The following EIF2A variants were observed in gnomAD, a reference collection of about 807,000 sequenced individuals.
The protein encoded by EIF2A is eukaryotic translation initiation factor 2A, also known as 65 kDa eukaryotic translation initiation factor 2A.
EIF2A carries 62 observed loss-of-function variants against 75.2 expected under a neutral mutation model. The ratio of observed to expected loss-of-function variants is 0.82; its 90% CI spans 0.67 to 1.02. EIF2A has a LOEUF of 1.02. EIF2A is among the 50% of genes least tolerant of loss of function. The pLI is 0.00. For missense variants in EIF2A, 611 were observed against 677.7 expected, an observed-to-expected ratio of 0.90 and a Z score of 1.09; for synonymous variants, 207 against 239.0, an observed-to-expected ratio of 0.87 and a Z score of 1.23.
chr3:150,568,146 T>C, intron 8 of EIF2A, 30 bp from the exon 9 acceptor site: 1 of 1,605,020 alleles, frequency 6.2e-7, no homozygotes, highest in Non-Finnish European at 8.5e-7. Flanking sequence ...ATTTGTGTTT[T>C]AAATCTAATT....
intron 7 of EIF2A, 49 bp downstream of exon 7, chr3:150,567,815 C>T: frequency 6.4e-7 from 1 of 1,567,304 alleles, no homozygotes; most frequent in African/African-American, 1.4e-5. Context: ...TAAACCTTTT[C>T]CTAGTTTTTT....
intron 2 of EIF2A, among the ~76,000 whole-genome samples, chr3:150,554,030 G>A (rs941598357): frequency 7.9e-5 from 12 of 152,078 alleles, no homozygotes; most frequent in Non-Finnish European, 1.5e-4. Context: ...TCTAGGTCTG[G>A]GACAGAAAAT....
intron 3 of EIF2A, among the ~76,000 whole-genome samples, chr3:150,561,714 AGGT>A (rs1723866093): frequency 6.6e-6 from 1 of 152,146 alleles, no homozygotes; most frequent in Admixed American, 6.5e-5. Flanking sequence ...TTTCAGCTGA[AGGT>A]GGAATCATCC....
intron 5 of EIF2A, 101 bp from the exon 6 acceptor site, chr3:150,564,198 C>A: frequency 1.1e-6 from 1 of 887,828 alleles, no homozygotes. Context: ...AGTGTTTTTC[C>A]TTAAATGGTA....
rs369526389 is a variant in EIF2A at position 150,552,359 on chromosome 3, G to A, written c.32G>A (p.Arg11Gln). 1.5e-5 allele frequency: 23 copies of A among 1,550,696 alleles called. No homozygotes were observed. The Admixed American group carries it at 2.4e-4, about 16-fold the overall frequency. Residue 11 changes from arginine (R) to glutamine (Q), a missense_variant, in exon 2 of 14, where the codon CGA (arginine) becomes CAA (glutamine). Transcript: ENST00000460851. MAPSTPLLTV[R>Q]GSEGLYMVNG... The stretch of plus-strand genomic sequence containing the variant: ...TCTTTTTATTTTACTTCTTTAGTCC[G>A]AGGATCAGAAGGACTGTACATGGTG...
At chr3:150,564,250 C>T in intron 5 of EIF2A, 49 bp from the exon 6 acceptor site, 2 of 1,379,974 alleles carry the variant, frequency 1.4e-6, no homozygotes, top group Non-Finnish European at 1.9e-6. Flanking sequence ...TGTGATGTTA[C>T]ATTCTGTCTG....
At chr3:150,550,984 A>T (rs1169590239) in intron 1 of EIF2A, among the ~76,000 whole-genome samples, 1 of 152,134 alleles carries the variant, frequency 6.6e-6, no homozygotes, top group African/African-American at 2.4e-5. Flanking sequence ...TTCCAGCTTC[A>T]TCATCCTCTA....
chr3:150,555,410 C>A (rs575192368), intron 2 of EIF2A, among the ~76,000 whole-genome samples: 1 of 152,158 alleles, frequency 6.6e-6, no homozygotes, highest in African/African-American at 2.4e-5. Context: ...GCACCTGCTA[C>A]CACACCTGGC....
rs542798543 is a variant in EIF2A, at chr3:150,553,575, A to T, written c.98+1150A>T. On this transcript the variant is annotated intron_variant, in intron 2 of 13. Transcript: ENST00000460851. ...AGGTGCCTGCCACCATGCCTGGCTA[A>T]TTTTTTTGTATTTGTAGTAGTGACA... is the stretch of plus-strand genomic sequence containing the variant. Among the ~76,000 whole-genome samples, 682 of 151,914 alleles carry T rather than the reference A, an allele frequency of 4.5e-3. 3 individuals carry two copies. The highest frequency in any genetic ancestry group is 7.8e-3 in the Non-Finnish European group (527 of 67,942).
chr3:150,549,969 G>A (rs1348524596), intron 1 of EIF2A, among the ~76,000 whole-genome samples: 2 of 152,130 alleles, frequency 1.3e-5, no homozygotes, highest in African/African-American at 4.8e-5. Flanking sequence ...CTACACCCCT[G>A]CCATGGGATC....
At chr3:150,578,259 ATTAC>A (rs1012924718) in intron 11 of EIF2A, among the ~76,000 whole-genome samples, 9 of 149,676 alleles carry the variant, frequency 6.0e-5, no homozygotes, top group South Asian at 2.1e-4. Context: ...TATATAAATA[ATTAC>A]TTACATAATT....
intron 3 of EIF2A, among the ~76,000 whole-genome samples, chr3:150,559,315 G>A (rs1576591539): frequency 6.6e-6 from 1 of 151,926 alleles, no homozygotes. Flanking sequence ...ATAAGTAGCT[G>A]GCAGAATTAG....
intron 1 of EIF2A, among the ~76,000 whole-genome samples, chr3:150,548,846 C>G (rs1053878342): frequency 6.6e-6 from 1 of 152,148 alleles, no homozygotes; most frequent in African/African-American, 2.4e-5. Context: ...ATTAAGTGGT[C>G]CGATTCACAC....
chr3:150,569,325 A>C (rs937402605), intron 9 of EIF2A, among the ~76,000 whole-genome samples: 1 of 152,244 alleles, frequency 6.6e-6, no homozygotes. Flanking sequence ...AAAACTCTTC[A>C]GAGAGACAAA....
intron 6 of EIF2A, 171 bp from the exon 7 acceptor site, chr3:150,567,522 T>C (rs1294908575): frequency 1.8e-6 from 1 of 541,224 alleles, no homozygotes; most frequent in African/African-American, 2.0e-5. Context: ...CCTACATTTG[T>C]CTTGCTCCTA....
rs1444769990 is a variant in EIF2A, at chr3:150,550,686, T to C, written c.29-1670T>C. Among the ~76,000 whole-genome samples the C allele has an allele frequency of 2.0e-5, 3 of 152,276 alleles. No individual in the cohort carries two copies. In the South Asian group the frequency reaches 6.2e-4, roughly 32 times the overall value. On this transcript the variant is annotated intron_variant, in intron 1 of 13. Coordinates refer to ENST00000460851, the MANE Select transcript of EIF2A (RefSeq NM_032025.5). ...AGGCAATGTAGTGAAACCTCGTCTC[T>C]ACAAGAAATATAAAACTTAACATGG...
Position 150,583,900 on chromosome 3 carries a change from T to TAA in EIF2A, c.1747_1748insAA (p.Leu583Ter), listed in dbSNP as rs763098130. ...ALLQELEDLE[L>*]GI ...TCTCCAGGAGCTGGAAGATTTGGAATTGGGTATTTAAAGATTCACGGAAAG... is the reference window on the plus strand; with the variant it reads ...TCTCCAGGAGCTGGAAGATTTGGAATAATGGGTATTTAAAGATTCACGGAAAG... Residue 583 changes from leucine to a stop codon, truncating the protein, a stop_gained and frameshift_variant, in exon 14 of 14, where the codon TTG becomes TAATG. Transcript: ENST00000460851. LOFTEE classifies it high-confidence loss of function. 3 of 1,613,584 alleles carry TAA rather than the reference T, an allele frequency of 1.9e-6. No homozygotes were observed. Among genetic ancestry groups the TAA allele is most frequent in the Non-Finnish European group, 2.5e-6 (3 of 1,179,680 alleles).
chr3:150,563,874 A>G (rs565533660), intron 5 of EIF2A, among the ~76,000 whole-genome samples: 60 of 152,176 alleles, frequency 3.9e-4, no homozygotes, highest in African/African-American at 1.4e-3. Context: ...CTGGAGTGCA[A>G]TGGCCTGATC....
intron 11 of EIF2A, among the ~76,000 whole-genome samples, chr3:150,578,538 C>T (rs1725001921): frequency 6.6e-6 from 1 of 151,802 alleles, no homozygotes; most frequent in Admixed American, 6.6e-5. Flanking sequence ...TTACAACTCT[C>T]AGTTATATGT....
Sources: allele counts gnomAD v4.1 joint callset (sites outside exome capture counted in the v4.1 genomes callset), GRCh38; gene constraint gnomAD v4.1.1; transcripts MANE v1.5; gene names NCBI Gene and HGNC (gene_info 2026-07-23, HGNC 2026-07-21).